MET: variants seen among roughly 807,000 people sequenced by gnomAD.
MET encodes the protein MET proto-oncogene, receptor tyrosine kinase.
MET carries 48 observed loss-of-function variants against 133.1 expected under a neutral mutation model. The ratio of observed to expected loss-of-function variants is 0.36; its 90% CI spans 0.29 to 0.46. The LOEUF (loss-of-function observed/expected upper bound fraction) is 0.46, where lower values mean the gene tolerates loss of function less well. Ranked by LOEUF, MET falls within the 20% of genes least tolerant of loss-of-function variation. The pLI is 1.00. For missense variants in MET, 1,442 were observed against 1,695.9 expected, an observed-to-expected ratio of 0.85 and a Z score of 2.63; for synonymous variants, 628 against 616.5, an observed-to-expected ratio of 1.02 and a Z score of -0.28.
intron 2 of MET, among the ~76,000 whole-genome samples, chr7:116,728,449 A>G (rs1360485915): frequency 6.6e-6 from 1 of 152,210 alleles, no homozygotes; most frequent in Non-Finnish European, 1.5e-5. Flanking sequence ...TTCTACATTT[A>G]CGCCTTACAT....
At position 116,751,243 on chromosome 7, in the gene MET, T is replaced by TA. The variant is rs36198935; in HGVS notation, c.1702-4106dup. ...TATGCCATGGAATACTATGCAGCCA[T>TA]AAAAAAGGATGAGTTCATGTCCTTT... On this transcript the variant is annotated intron_variant, in intron 5 of 20. Coordinates refer to ENST00000397752, the MANE Select transcript of MET (RefSeq NM_000245.4). 2.6e-3 allele frequency among the ~76,000 whole-genome samples: 395 copies of TA among 152,104 alleles called. 1 individual carries two copies. The highest frequency in any genetic ancestry group is 4.2e-3 in the Non-Finnish European group (283 of 67,972).
intron 1 of MET, among the ~76,000 whole-genome samples, chr7:116,690,666 T>C (rs1308931094): frequency 6.6e-6 from 1 of 152,246 alleles, no homozygotes; most frequent in African/African-American, 2.4e-5. Flanking sequence ...GAATCAAGCA[T>C]TCAACTAAGC....
In MET at chr7:116,731,699, C is replaced by A. The variant is rs201154533; in HGVS notation, c.1232C>A (p.Ala411Glu). 6.2e-7 allele frequency: 1 copy of A among 1,614,098 alleles called. No homozygotes were observed. Among genetic ancestry groups the A allele is most frequent in the Non-Finnish European group, 8.5e-7 (1 of 1,179,974 alleles). Residue 411 changes from alanine to glutamate, a missense_variant, in exon 3 of 21, where the codon GCG becomes GAG. Coordinates refer to ENST00000397752, the MANE Select transcript of MET (RefSeq NM_000245.4). ...TLLRNSSGCE[A>E]RRDEYRTEFT... ...CTGAGAAATTCATCAGGCTGTGAAGCGCGCCGTGATGAATATCGAACAGAG... is the reference window on the plus strand; with the variant it reads ...CTGAGAAATTCATCAGGCTGTGAAGAGCGCCGTGATGAATATCGAACAGAG...
intron 8 of MET, 81 bp from the exon 9 acceptor site, chr7:116,758,378 T>A: frequency 7.1e-7 from 1 of 1,407,728 alleles, no homozygotes; most frequent in Non-Finnish European, 1.0e-6. Flanking sequence ...TTGAGTTATA[T>A]CCTTTTGATT....
In MET at chr7:116,796,005, G is replaced by A. The variant is rs767687478; in HGVS notation, c.4054G>A (p.Val1352Met). ...STFIGEHYVH[V>M]NATYVNVKCV... ...TTTCATTGGGGAGCACTATGTCCAT[G>A]TGAACGCTACTTATGTGAACGTAAA... Residue 1352 changes from valine (V) to methionine (M), a missense_variant, in exon 21 of 21, where the codon GTG becomes ATG. Physicochemically the swap from Val to Met is conservative, Grantham distance 21. Around this residue, in one of 6 missense-constraint regions of MET, gnomAD observed 94 missense variants for 109.5 expected, o/e 0.86. Coordinates refer to ENST00000397752, the MANE Select transcript of MET (RefSeq NM_000245.4). 1.9e-6 allele frequency: 3 copies of A among 1,614,006 alleles called. No homozygotes were observed. The highest frequency in any genetic ancestry group is 2.5e-6 in the Non-Finnish European group (3 of 1,179,896).
intron 19 of MET, among the ~76,000 whole-genome samples, chr7:116,794,816 G>A (rs1323727086): frequency 6.6e-6 from 1 of 152,232 alleles, no homozygotes; most frequent in Non-Finnish European, 1.5e-5. Context: ...TCTTGCATGG[G>A]CACATGTCCA....
At position 116,712,888 on chromosome 7, in the gene MET, C is replaced by T. The variant is rs1046732561; in HGVS notation, c.1200+12604C>T. 3.3e-5 allele frequency among the ~76,000 whole-genome samples: 5 copies of T among 152,320 alleles called. No individual in the cohort carries two copies. In the Middle Eastern group the frequency reaches 0.01, roughly 311 times the overall value. ...TAAAAGGAGAAAGAGGGAATACTTT[C>T]TCTGCTCCCGTAAGGTTTTCTCAAG... On this transcript the variant is annotated intron_variant, in intron 2 of 20. Transcript: ENST00000397752.
At chr7:116,689,559 C>CTTT (rs534819031) in intron 1 of MET, among the ~76,000 whole-genome samples, 17 of 94,768 alleles carry the variant, frequency 1.8e-4, no homozygotes, top group Non-Finnish European at 2.4e-4. Flanking sequence ...TGGGCTTACT[C>CTTT]TTTTTTTTTT....
intron 11 of MET, among the ~76,000 whole-genome samples, chr7:116,766,105 T>A (rs1794618168): frequency 2.0e-5 from 3 of 152,214 alleles, no homozygotes. Flanking sequence ...TATCTAAAAA[T>A]TTATTCTGTT....
intron 15 of MET, among the ~76,000 whole-genome samples, 161 bp from the exon 16 acceptor site, chr7:116,777,228 C>G (rs1795021351): frequency 6.6e-6 from 1 of 152,086 alleles, no homozygotes; most frequent in Admixed American, 6.6e-5. Flanking sequence ...TACAAACACA[C>G]CTACGTACCT....
chr7:116,740,151 T>C (rs1562908955), intron 4 of MET, 67 bp downstream of exon 4: 3 of 1,576,040 alleles, frequency 1.9e-6, no homozygotes, highest in Non-Finnish European at 2.6e-6. Flanking sequence ...ACAACCAGTG[T>C]CACTTGGCCC....
At chr7:116,685,700 A>T (rs1288060370) in intron 1 of MET, among the ~76,000 whole-genome samples, 2 of 152,100 alleles carry the variant, frequency 1.3e-5, no homozygotes, top group Admixed American at 1.3e-4. Flanking sequence ...AAATAAAAAT[A>T]AAAAAACCTC....
intron 1 of MET, among the ~76,000 whole-genome samples, chr7:116,682,704 T>C (rs913777830): frequency 6.6e-6 from 1 of 152,162 alleles, no homozygotes; most frequent in Non-Finnish European, 1.5e-5. Flanking sequence ...CTTGTTTTGG[T>C]TCTTTCCCAT....
intron 2 of MET, among the ~76,000 whole-genome samples, chr7:116,701,907 C>A (rs1791593900): frequency 1.3e-5 from 2 of 152,024 alleles, no homozygotes; most frequent in Non-Finnish European, 2.9e-5. Flanking sequence ...CTATTTAAAT[C>A]TTTCTTTGTT....
chr7:116,797,183 G>A lies in MET; in HGVS notation c.*1059G>A. The stretch of plus-strand genomic sequence containing the variant: ...ATGTTTTGTGTGTATTTTTTTAAAT[G>A]AAAACTCAAAATAAGACAAGTAATT... On this transcript the variant is annotated 3_prime_UTR_variant, in exon 21 of 21. Transcript: ENST00000397752. 4.9e-6 allele frequency: 1 copy of A among 203,868 alleles called. No individual in the cohort carries two copies. The highest frequency in any genetic ancestry group is 1.0e-5 in the Non-Finnish European group (1 of 99,482). 12.6% of individuals were successfully genotyped at this position (203,868 alleles called of 1,614,324 possible).
intron 3 of MET, among the ~76,000 whole-genome samples, chr7:116,739,155 T>A (rs1209477355): frequency 6.6e-6 from 1 of 152,242 alleles, no homozygotes; most frequent in South Asian, 2.1e-4. Flanking sequence ...TCATTTGGAT[T>A]TTATCCCAAT....
chr7:116,790,620 A>G (rs886439423), intron 19 of MET, among the ~76,000 whole-genome samples: 1 of 152,152 alleles, frequency 6.6e-6, no homozygotes, highest in African/African-American at 2.4e-5. Context: ...TCTTTTGTAT[A>G]TACACACAGA....
intron 18 of MET, among the ~76,000 whole-genome samples, chr7:116,782,820 A>G (rs376400600): frequency 4.6e-5 from 7 of 152,192 alleles, no homozygotes; most frequent in East Asian, 1.9e-4. Flanking sequence ...CTAGTTCTCT[A>G]TTACCTCAGT....
At chr7:116,734,087 G>A (rs1316145404) in intron 3 of MET, among the ~76,000 whole-genome samples, 1 of 152,196 alleles carries the variant, frequency 6.6e-6, no homozygotes, top group African/African-American at 2.4e-5. Context: ...ACTTTAATCT[G>A]TCAGAGCAGT....
Sources: allele counts gnomAD v4.1 joint callset (sites outside exome capture counted in the v4.1 genomes callset), GRCh38; gene constraint gnomAD v4.1.1; regional missense constraint gnomAD v4.1.1; transcripts MANE v1.5; gene names NCBI Gene and HGNC (gene_info 2026-07-23, HGNC 2026-07-21).